Variants in COMMD10 observed in about 807,000 individuals in gnomAD.
The protein encoded by COMMD10 is COMM domain containing 10, also known as COMM domain-containing protein 10.
COMMD10 carries 33 observed loss-of-function variants against 28.9 expected under a neutral mutation model. The ratio of observed to expected loss-of-function variants is 1.14; its 90% CI spans 0.87 to 1.53. COMMD10 has a LOEUF of 1.53. Ranked by LOEUF, COMMD10 falls within the 40% of genes most tolerant of loss-of-function variation. COMMD10 has a pLI of 0.00. For synonymous variants in COMMD10, 110 were observed against 81.7 expected (o/e 1.35, Z -1.87); for missense variants, 310 against 233.4 (o/e 1.33, Z -2.14).
intron 5 of COMMD10, among the ~76,000 whole-genome samples, chr5:116,242,674 G>GCCCT (rs1436727421): frequency 1.3e-5 from 2 of 152,098 alleles, no homozygotes; most frequent in Middle Eastern, 3.2e-3. Flanking sequence ...TAGGATTCCA[G>GCCCT]CCCTCCTACT....
rs1054829083 is a variant in COMMD10 at position 116,176,614 on chromosome 5, A to G, written c.510+42436A>G. On this transcript the variant is annotated intron_variant, in intron 5 of 6. Coordinates refer to ENST00000274458, the MANE Select transcript of COMMD10 (RefSeq NM_016144.4). The stretch of plus-strand genomic sequence containing the variant: ...CTCATGTATATAAAATTCATATTTT[A>G]AAGTCTTAAATTCTGTTTTCTGATG... Among the ~76,000 whole-genome samples, 8 of 152,142 alleles carry G rather than the reference A, an allele frequency of 5.3e-5. No individual in the cohort carries two copies. In the East Asian group the frequency reaches 1.5e-3, roughly 29 times the overall value.
At chr5:116,233,404 G>A (rs929289477) in intron 5 of COMMD10, among the ~76,000 whole-genome samples, 2 of 152,108 alleles carry the variant, frequency 1.3e-5, no homozygotes, top group African/African-American at 4.8e-5. Context: ...ATCCTTTGGA[G>A]GACTTGAAAT....
intron 4 of COMMD10, among the ~76,000 whole-genome samples, chr5:116,125,734 A>G (rs1489313185): frequency 6.6e-6 from 1 of 152,040 alleles, no homozygotes; most frequent in Non-Finnish European, 1.5e-5. Flanking sequence ...TATTTTTTGA[A>G]GGCTTTGTTC....
At chr5:116,124,742 T>C (rs1407886007) in intron 4 of COMMD10, among the ~76,000 whole-genome samples, 2 of 152,218 alleles carry the variant, frequency 1.3e-5, no homozygotes, top group African/African-American at 4.8e-5. Context: ...GCTTTATGAA[T>C]CTGGGTGCTC....
At chr5:116,100,111 A>G (rs192049338) in intron 4 of COMMD10, among the ~76,000 whole-genome samples, 1 of 152,294 alleles carries the variant, frequency 6.6e-6, no homozygotes, top group Admixed American at 6.5e-5. Context: ...GACCTGTCAT[A>G]TGAGATCAGG....
In COMMD10 at chr5:116,214,033, A is replaced by G. The variant is rs1009398569; in HGVS notation, c.511-77484A>G. Reference sequence around the variant, plus strand: ...ACCCTCACTCTGTGGCTTACAGACAATAGTAGTATATTATGTAGGGTAGCC... The same window carrying G: ...ACCCTCACTCTGTGGCTTACAGACAGTAGTAGTATATTATGTAGGGTAGCC... On this transcript the variant is annotated intron_variant, in intron 5 of 6. Transcript: ENST00000274458. Among the ~76,000 whole-genome samples, 4 of 152,132 alleles carry G rather than the reference A, an allele frequency of 2.6e-5. No homozygotes were observed. In the South Asian group the frequency reaches 6.2e-4, roughly 24 times the overall value.
chr5:116,216,975 T>G (rs1749119728), intron 5 of COMMD10, among the ~76,000 whole-genome samples: 1 of 152,160 alleles, frequency 6.6e-6, no homozygotes, highest in Non-Finnish European at 1.5e-5. Flanking sequence ...ATCAGGATGT[T>G]TTGAGGGGAT....
chr5:116,127,086 T>A (rs1355577810), intron 4 of COMMD10, among the ~76,000 whole-genome samples: 2 of 151,224 alleles, frequency 1.3e-5, no homozygotes, highest in Admixed American at 1.3e-4. Flanking sequence ...CAAGAGAAAA[T>A]CAAACAACCC....
chr5:116,199,443 A>G (rs1580542398), intron 5 of COMMD10, among the ~76,000 whole-genome samples: 1 of 152,084 alleles, frequency 6.6e-6, no homozygotes, highest in African/African-American at 2.4e-5. Flanking sequence ...CTTCCCCAGT[A>G]TAGATTTTTT....
intron 5 of COMMD10, among the ~76,000 whole-genome samples, chr5:116,272,147 C>T (rs1463978977): frequency 2.6e-5 from 4 of 151,740 alleles, no homozygotes; most frequent in Admixed American, 1.3e-4. Context: ...GCGATAATAC[C>T]AGCCATTTAG....
intron 5 of COMMD10, among the ~76,000 whole-genome samples, chr5:116,159,384 C>T (rs1461035716): frequency 6.6e-6 from 1 of 152,182 alleles, no homozygotes; most frequent in Non-Finnish European, 1.5e-5. Context: ...TAGATATACA[C>T]ATGGATTGCT....
intron 4 of COMMD10, among the ~76,000 whole-genome samples, chr5:116,120,139 T>C (rs1212247401): frequency 6.6e-6 from 1 of 152,118 alleles, no homozygotes; most frequent in Non-Finnish European, 1.5e-5. Context: ...AAAGAAAATA[T>C]GGTATATATA....
At chr5:116,207,502 C>G (rs185110557) in intron 5 of COMMD10, among the ~76,000 whole-genome samples, 1 of 149,606 alleles carries the variant, frequency 6.7e-6, no homozygotes, top group Non-Finnish European at 1.5e-5. Flanking sequence ...ATTGCAGTAT[C>G]AGAGAGGGGA....
chr5:116,279,329 G>A (rs148465186), intron 5 of COMMD10, among the ~76,000 whole-genome samples: 1 of 151,952 alleles, frequency 6.6e-6, no homozygotes, highest in African/African-American at 2.4e-5. Context: ...TTGTTAAACT[G>A]TACTTTTCAA....
chr5:116,120,241 G>A (rs1009597715), intron 4 of COMMD10, among the ~76,000 whole-genome samples: 34 of 152,150 alleles, frequency 2.2e-4, no homozygotes, highest in African/African-American at 8.2e-4. Context: ...TCTAAATGAA[G>A]TAATTCAGGA....
intron 5 of COMMD10, among the ~76,000 whole-genome samples, chr5:116,265,259 A>G (rs1554057941): frequency 6.6e-6 from 1 of 151,550 alleles, no homozygotes; most frequent in East Asian, 1.9e-4. Context: ...CTTTTTTTTC[A>G]CTATCCCCAA....
chr5:116,275,712 A>G (rs1008620957), intron 5 of COMMD10, among the ~76,000 whole-genome samples: 3 of 151,714 alleles, frequency 2.0e-5, no homozygotes, highest in Non-Finnish European at 4.4e-5. Flanking sequence ...TTGCACTCAA[A>G]GTAAGTATAT....
At chr5:116,161,704 TTCA>T (rs1338651791) in intron 5 of COMMD10, among the ~76,000 whole-genome samples, 2 of 152,132 alleles carry the variant, frequency 1.3e-5, no homozygotes, top group Admixed American at 6.5e-5. Flanking sequence ...GAAGCAGATC[TTCA>T]TAAAGATCTT....
intron 5 of COMMD10, among the ~76,000 whole-genome samples, chr5:116,239,876 TTG>T (rs747937092): frequency 7.2e-5 from 11 of 152,270 alleles, no homozygotes; most frequent in Middle Eastern, 3.4e-3. Context: ...GGCAGAAACT[TTG>T]TCTTTTCTTC....
Sources: gnomAD v4.1 joint callset for allele counts (sites outside exome capture counted in the v4.1 genomes callset) on GRCh38, gnomAD v4.1.1 for gene constraint, MANE v1.5 for transcripts, NCBI Gene and HGNC (gene_info 2026-07-23, HGNC 2026-07-21) for gene names.